The following SHISAL1 variants were observed in gnomAD, a reference collection of about 807,000 sequenced individuals.
The protein encoded by SHISAL1 is protein shisa-like-1.
A neutral mutation model predicts 22.6 loss-of-function variants in SHISAL1; 9 were observed. That is an observed-to-expected ratio of 0.40 (90% confidence interval 0.24 to 0.70). The LOEUF (loss-of-function observed/expected upper bound fraction) is 0.70, where lower values mean the gene tolerates loss of function less well. SHISAL1 is among the 30% of genes least tolerant of loss of function. The pLI is 0.39. For missense variants in SHISAL1, 246 were observed against 270.6 expected, an observed-to-expected ratio of 0.91 and a Z score of 0.64; for synonymous variants, 119 against 115.4, an observed-to-expected ratio of 1.03 and a Z score of -0.20.
the SHISAL1 span, among the ~76,000 whole-genome samples, chr22:44,329,849 T>A: frequency 2.0e-5 from 3 of 152,340 alleles, no homozygotes; most frequent in African/African-American, 7.2e-5. Flanking sequence ...TGCTTTTGAA[T>A]GACACTTCTC....
intron 4 of SHISAL1, among the ~76,000 whole-genome samples, chr22:44,264,622 A>G (rs2055148989): frequency 6.6e-6 from 1 of 152,140 alleles, no homozygotes; most frequent in Non-Finnish European, 1.5e-5. Context: ...GAGGCCTCTA[A>G]TGTGGCCCAA....
the SHISAL1 span, among the ~76,000 whole-genome samples, chr22:44,330,762 T>C: frequency 6.6e-6 from 1 of 152,068 alleles, no homozygotes; most frequent in Non-Finnish European, 1.5e-5. Context: ...CTCGTTGCCA[T>C]GGCAACCACG....
chr22:44,329,432 G>A, the SHISAL1 span, among the ~76,000 whole-genome samples: 34 of 150,038 alleles, frequency 2.3e-4, no homozygotes, highest in Admixed American at 1.3e-3. Context: ...TCAGGAGAGC[G>A]AGAATGGGAC....
chr22:44,246,325 G>A lies in SHISAL1; in HGVS notation c.*3360C>T, dbSNP rs1227068464. The A allele has an allele frequency of 6.6e-6, 1 of 152,218 alleles. No homozygotes were observed. Among genetic ancestry groups the A allele is most frequent in the East Asian group, 1.9e-4 (1 of 5,200 alleles). 9.4% of individuals were successfully genotyped at this position (152,218 alleles called of 1,614,324 possible). On this transcript the variant is annotated 3_prime_UTR_variant, in exon 5 of 5. Coordinates refer to ENST00000381176, the MANE Select transcript of SHISAL1 (RefSeq NM_001099294.2). ...GGTAGTTCTGCAAACAGCCTCGAAT[G>A]CAGATTCCTCTGTGGACATCTTGTC... is the stretch of plus-strand genomic sequence containing the variant.
chr22:44,269,943 C>T (rs1263797203), intron 4 of SHISAL1, among the ~76,000 whole-genome samples: 2 of 152,202 alleles, frequency 1.3e-5, no homozygotes, highest in Non-Finnish European at 2.9e-5. Flanking sequence ...GGTCAGACCT[C>T]TGAGTTGTCC....
At chr22:44,331,601 C>T in the SHISAL1 span, among the ~76,000 whole-genome samples, 2 of 149,828 alleles carry the variant, frequency 1.3e-5, no homozygotes, top group African/African-American at 2.4e-5. The surrounding 1 kb of genome is among the most constrained non-coding windows in gnomAD (Gnocchi z 5.2). Flanking sequence ...GATGCCCCTG[C>T]CGCCGCCGCA....
At chr22:44,297,296 C>T (rs1007652049) in intron 2 of SHISAL1, among the ~76,000 whole-genome samples, 1 of 152,206 alleles carries the variant, frequency 6.6e-6, no homozygotes, top group Admixed American at 6.5e-5. Context: ...GGTGACTTGC[C>T]CGAGCTGATA....
intron 4 of SHISAL1, among the ~76,000 whole-genome samples, chr22:44,265,589 C>A (rs1348134737): frequency 6.6e-6 from 1 of 152,182 alleles, no homozygotes; most frequent in Non-Finnish European, 1.5e-5. Context: ...CTGACTCACA[C>A]CTTTCTGACT....
At chr22:44,252,403 A>G (rs1302848197) in intron 4 of SHISAL1, among the ~76,000 whole-genome samples, 3 of 152,314 alleles carry the variant, frequency 2.0e-5, no homozygotes, top group East Asian at 1.9e-4. Flanking sequence ...ATATCATGTC[A>G]TGTTATAATT....
intron 1 of SHISAL1, among the ~76,000 whole-genome samples, chr22:44,305,021 G>A (rs1601805055): frequency 2.0e-5 from 3 of 152,124 alleles, no homozygotes; most frequent in East Asian, 3.9e-4. Context: ...ATGTTGCGGG[G>A]CTGATGTTCA....
chr22:44,305,754 C>G (rs867833319), intron 1 of SHISAL1, among the ~76,000 whole-genome samples: 4 of 152,334 alleles, frequency 2.6e-5, no homozygotes, highest in African/African-American at 7.2e-5. Flanking sequence ...CATCCATGGC[C>G]TGGCTGTGCC....
chr22:44,280,569 G>A (rs996823535), intron 4 of SHISAL1, among the ~76,000 whole-genome samples: 2 of 152,174 alleles, frequency 1.3e-5, no homozygotes, highest in African/African-American at 2.4e-5. Context: ...GCAGCCTGAA[G>A]CTTCAGGAGG....
chr22:44,297,104 G>A (rs1439587045), intron 2 of SHISAL1, among the ~76,000 whole-genome samples: 2 of 152,188 alleles, frequency 1.3e-5, no homozygotes, highest in African/African-American at 4.8e-5. Flanking sequence ...TGGTCCTGGA[G>A]GGCAGGGCTG....
chr22:44,296,157 CTCTTT>C (rs369362109), intron 3 of SHISAL1, among the ~76,000 whole-genome samples: 9 of 151,466 alleles, frequency 5.9e-5, no homozygotes, highest in African/African-American at 1.5e-4. Flanking sequence ...CCCTCCCTCC[CTCTTT>C]TCTTTTCTTT....
chr22:44,323,963 A>G, the SHISAL1 span, among the ~76,000 whole-genome samples: 1 of 152,202 alleles, frequency 6.6e-6, no homozygotes, highest in Non-Finnish European at 1.5e-5. Flanking sequence ...GAAGAGGTGG[A>G]TATCATCCCA....
At chr22:44,308,159 G>T (rs762086553) in intron 1 of SHISAL1, among the ~76,000 whole-genome samples, 1 of 152,222 alleles carries the variant, frequency 6.6e-6, no homozygotes, top group Non-Finnish European at 1.5e-5. Context: ...AGTGTCCTCA[G>T]CCCTAGAATG....
chr22:44,283,049 C>T (rs1392630961), intron 4 of SHISAL1, among the ~76,000 whole-genome samples: 3 of 152,196 alleles, frequency 2.0e-5, no homozygotes, highest in African/African-American at 7.2e-5. Flanking sequence ...AATCCCCTCT[C>T]ACGTTGGTTC....
intron 3 of SHISAL1, among the ~76,000 whole-genome samples, chr22:44,288,391 C>T (rs936965694): frequency 7.9e-5 from 12 of 152,138 alleles, no homozygotes; most frequent in Non-Finnish European, 1.5e-5. Flanking sequence ...AATCCCAGCA[C>T]TTTGGGAGGC....
chr22:44,308,671 G>A (rs2055496301), intron 1 of SHISAL1, among the ~76,000 whole-genome samples: 1 of 152,216 alleles, frequency 6.6e-6, no homozygotes, highest in African/African-American at 2.4e-5. Flanking sequence ...GGGGCTGGGT[G>A]GGGTTCATCT....
Sources: gnomAD v4.1 joint callset for allele counts (sites outside exome capture counted in the v4.1 genomes callset) on GRCh38, gnomAD v4.1.1 for gene constraint, Gnocchi (gnomAD v3.1) non-coding constraint, MANE v1.5 for transcripts, NCBI Gene and HGNC (gene_info 2026-07-23, HGNC 2026-07-21) for gene names.